The following TIGAR variants were observed in gnomAD, a reference collection of about 807,000 sequenced individuals.
The protein encoded by TIGAR is TP53 induced glycolysis regulatory phosphatase.
A neutral mutation model predicts 17.9 loss-of-function variants in TIGAR; 7 were observed. That is an observed-to-expected ratio of 0.39 (90% confidence interval 0.22 to 0.73). The LOEUF (loss-of-function observed/expected upper bound fraction) is 0.73, where lower values mean the gene tolerates loss of function less well. TIGAR is among the 30% of genes least tolerant of loss of function. The probability of loss-of-function intolerance (pLI) is 0.42; values close to 1 mark genes in which losing one functional copy is unlikely to be tolerated. For synonymous variants in TIGAR, 94 were observed against 108.6 expected (o/e 0.87, Z 0.84); for missense variants, 258 against 327.4 (o/e 0.79, Z 1.64).
rs1555091387 is a variant in TIGAR, at chr12:4,322,003, T to TTTTA, written c.32+703_32+704insATTT. On this transcript the variant is annotated intron_variant, in intron 1 of 5. Coordinates refer to ENST00000179259, the MANE Select transcript of TIGAR (RefSeq NM_020375.3). The stretch of plus-strand genomic sequence containing the variant: ...GAGCACAGATTTTTATTTTTATTTT[T>TTTTA]TTTTTTTTGTGAGATGGAGCCTCGC... Among the ~76,000 whole-genome samples the TTTTA allele has an allele frequency of 1.4e-3, 209 of 151,660 alleles. 1 individual carries two copies. The highest frequency in any genetic ancestry group is 4.4e-3 in the African/African-American group (182 of 41,306).
At chr12:4,341,384 G>A (rs1356512933) in intron 3 of TIGAR, among the ~76,000 whole-genome samples, 2 of 152,192 alleles carry the variant, frequency 1.3e-5, no homozygotes, top group Non-Finnish European at 2.9e-5. Context: ...GAGCTTTGAA[G>A]AGAGTAGTCG....
rs1864858555 is a variant in TIGAR, at chr12:4,353,353, T to C, written c.*662T>C. The C allele has an allele frequency of 6.6e-6, 1 of 152,180 alleles. No homozygotes were observed. Among genetic ancestry groups the C allele is most frequent in the Non-Finnish European group, 1.5e-5 (1 of 68,048 alleles). The allele number at this position is 152,180 out of a possible 1,614,324, so 9.4% of individuals were successfully genotyped here. A position where few individuals can be genotyped will look rare whatever the true frequency, so the allele number is the denominator to read the frequency against. On this transcript the variant is annotated 3_prime_UTR_variant, in exon 6 of 6. Coordinates refer to ENST00000179259, the MANE Select transcript of TIGAR (RefSeq NM_020375.3). ...AGCAGAAGATAGAAGAACAGCCTTT[T>C]CTAAATAATGCCTTGCCAAAGTCAA... is the stretch of plus-strand genomic sequence containing the variant.
At chr12:4,335,886 C>T (rs148370344) in intron 2 of TIGAR, among the ~76,000 whole-genome samples, 1 of 152,290 alleles carries the variant, frequency 6.6e-6, no homozygotes, top group Non-Finnish European at 1.5e-5. Flanking sequence ...GAGGGGCCCT[C>T]CAGCCCCCAG....
At chr12:4,341,912 A>G (rs1864727257) in intron 3 of TIGAR, among the ~76,000 whole-genome samples, 2 of 152,252 alleles carry the variant, frequency 1.3e-5, no homozygotes, top group Admixed American at 1.3e-4. Context: ...CTGAGAGAAG[A>G]AAGCTTCAGA....
In TIGAR at chr12:4,352,781, T is replaced by C. The variant is rs951241965; in HGVS notation, c.*90T>C. On this transcript the variant is annotated 3_prime_UTR_variant, in exon 6 of 6. Transcript: ENST00000179259. ...ACTTCTCTCCTCTGCTAGTTCTGAT[T>C]TGGAAACAGTTAAAAGCCAATTTTT... The C allele has an allele frequency of 1.5e-6, 2 of 1,355,300 alleles. No homozygotes were observed. Among genetic ancestry groups the C allele is most frequent in the Admixed American group, 2.6e-5 (1 of 39,180 alleles). The allele number at this position is 1,355,300 out of a possible 1,614,324, so 84.0% of individuals were successfully genotyped here. A position where few individuals can be genotyped will look rare whatever the true frequency, so the allele number is the denominator to read the frequency against.
At position 4,349,822 on chromosome 12, in the gene TIGAR, A is replaced by G; in HGVS notation, c.196A>G (p.Met66Val). 2 of 1,581,818 alleles carry G rather than the reference A, an allele frequency of 1.3e-6. No individual in the cohort carries two copies. Among genetic ancestry groups the G allele is most frequent in the Non-Finnish European group, 1.7e-6 (2 of 1,167,616 alleles). The stretch of plus-strand genomic sequence containing the variant: ...AAACAATTGTCTTGATTTTCAGACC[A>G]TGCATGGAATTTTGGAGAGAAGCAA... ...SSDLMRTKQT[M>V]HGILERSKFC... Residue 66 changes from methionine to valine, a missense_variant, in exon 4 of 6, where the codon ATG (methionine) becomes GTG (valine). Coordinates refer to ENST00000179259, the MANE Select transcript of TIGAR (RefSeq NM_020375.3).
chr12:4,350,255 A>G (rs1864823959), intron 4 of TIGAR, among the ~76,000 whole-genome samples: 1 of 152,256 alleles, frequency 6.6e-6, no homozygotes, highest in Non-Finnish European at 1.5e-5. Context: ...AATAATGTCA[A>G]AATAAACATC....
chr12:4,342,005 G>A (rs1339548352), intron 3 of TIGAR, among the ~76,000 whole-genome samples: 2 of 152,134 alleles, frequency 1.3e-5, no homozygotes, highest in Non-Finnish European at 2.9e-5. Context: ...TCAGACGAAT[G>A]GCTAACTAGA....
intron 4 of TIGAR, 112 bp downstream of exon 4, chr12:4,350,008 A>C: frequency 1.4e-6 from 1 of 713,562 alleles, no homozygotes; most frequent in South Asian, 2.1e-5. Flanking sequence ...CGAATCAGTG[A>C]AAATATTTAA....
chr12:4,336,474 AC>A (rs1864659985), intron 2 of TIGAR, among the ~76,000 whole-genome samples: 2 of 151,456 alleles, frequency 1.3e-5, no homozygotes, highest in East Asian at 3.9e-4. Context: ...ACACACACAC[AC>A]ACACACACAC....
At chr12:4,352,217 C>A (rs374954233) in intron 5 of TIGAR, 43 bp from the exon 6 acceptor site, 1 of 1,542,142 alleles carries the variant, frequency 6.5e-7, no homozygotes, top group South Asian at 1.2e-5. Context: ...TTAAGGAAGT[C>A]ATTAATGTCA....
At chr12:4,348,316 C>A (rs865884879) in intron 3 of TIGAR, among the ~76,000 whole-genome samples, 4 of 152,056 alleles carry the variant, frequency 2.6e-5, no homozygotes, top group African/African-American at 9.7e-5. Flanking sequence ...GTTGAAAGAT[C>A]CAAGAAGTGT....
chr12:4,350,776 C>CA (rs745374518), intron 4 of TIGAR, among the ~76,000 whole-genome samples: 2,727 of 89,030 alleles, frequency 0.031, 49 homozygotes, highest in African/African-American at 0.055. Flanking sequence ...GATTCCGTCT[C>CA]AAAAAAAAAA....
intron 2 of TIGAR, 89 bp from the exon 3 acceptor site, chr12:4,336,950 T>C (rs7296163): frequency 0.33 from 437,224 of 1,332,684 alleles, 72,770 homozygotes; most frequent in Admixed American, 0.4. Flanking sequence ...AAAATTTAGA[T>C]AAATGCAGCT....
intron 3 of TIGAR, among the ~76,000 whole-genome samples, chr12:4,342,875 C>G (rs1258052993): frequency 2.6e-5 from 4 of 152,174 alleles, no homozygotes; most frequent in Non-Finnish European, 5.9e-5. Context: ...GGATCAAATT[C>G]ACACATAACA....
In TIGAR at chr12:4,352,679, T is replaced by C. The variant is rs755560352; in HGVS notation, c.801T>C (p.Thr267=). 1.2e-5 allele frequency: 19 copies of C among 1,600,432 alleles called. No individual in the cohort carries two copies. The highest frequency in any genetic ancestry group is 1.5e-5 in the Non-Finnish European group (18 of 1,179,484). The part of the protein sequence containing the change: ...MNLQDHLNGL[T]ETR ...TACAGGATCATCTAAATGGACTGAC[T>C]GAAACTCGCTAAGGTTAAATCTGCA... is the stretch of plus-strand genomic sequence containing the variant. Residue 267 remains threonine (T), a synonymous_variant, in exon 6 of 6, where the codon ACT becomes ACC. Coordinates refer to ENST00000179259, the MANE Select transcript of TIGAR (RefSeq NM_020375.3).
chr12:4,347,077 G>A (rs554612733), intron 3 of TIGAR, among the ~76,000 whole-genome samples: 26 of 152,276 alleles, frequency 1.7e-4, no homozygotes, highest in East Asian at 7.7e-4. Flanking sequence ...AGGAAATCAG[G>A]ATATTGAAGA....
chr12:4,340,072 A>G (rs1165653221), intron 3 of TIGAR, among the ~76,000 whole-genome samples: 2 of 152,184 alleles, frequency 1.3e-5, no homozygotes, highest in South Asian at 2.1e-4. Flanking sequence ...AGCTGGAGCA[A>G]TCAGACAAGA....
chr12:4,359,963 A>G lies in TIGAR; in HGVS notation c.*7272A>G, dbSNP rs566484668. Among the ~76,000 whole-genome samples, 6 of 152,308 alleles carry G rather than the reference A, an allele frequency of 3.9e-5. No homozygotes were observed. The East Asian group carries it at 9.6e-4, about 24-fold the overall frequency. ...GATATGGAATGCTTTTTAATGTACAATTCTTATTGATCATTCATACAGCTT... is the reference window on the plus strand; with the variant it reads ...GATATGGAATGCTTTTTAATGTACAGTTCTTATTGATCATTCATACAGCTT... On this transcript the variant is annotated 3_prime_UTR_variant, in exon 6 of 6. Coordinates refer to ENST00000179259, the MANE Select transcript of TIGAR (RefSeq NM_020375.3).
Sources: allele counts gnomAD v4.1 joint callset (sites outside exome capture counted in the v4.1 genomes callset), GRCh38; gene constraint gnomAD v4.1.1; transcripts MANE v1.5; gene names NCBI Gene and HGNC (gene_info 2026-07-23, HGNC 2026-07-21).